The following MAGI2 variants were observed in gnomAD, a reference collection of about 807,000 sequenced individuals.
The protein encoded by MAGI2 is membrane associated guanylate kinase, WW and PDZ domain containing 2, also known as membrane-associated guanylate kinase, WW and PDZ domain-containing protein 2.
Under a neutral mutation model 133.3 loss-of-function variants are expected in MAGI2, and 35 were observed. The observed-to-expected ratio is 0.26, with a 90% CI of 0.20 to 0.35. MAGI2 has a LOEUF of 0.35. Among genes scored for constraint, MAGI2 ranks in the 10% least tolerant of loss-of-function variants. The probability of loss-of-function intolerance (pLI) is 1.00; values close to 1 mark genes in which losing one functional copy is unlikely to be tolerated. For synonymous variants in MAGI2, 729 were observed against 710.6 expected, an observed-to-expected ratio of 1.03 and a Z score of -0.41; for missense variants, 1,636 against 1,863.4, an observed-to-expected ratio of 0.88 and a Z score of 2.25.
intron 2 of MAGI2, among the ~76,000 whole-genome samples, chr7:78,905,840 C>A (rs1380572800): frequency 1.3e-5 from 2 of 152,058 alleles, no homozygotes; most frequent in Non-Finnish European, 2.9e-5. Context: ...CATGATCTAA[C>A]CCCTAACAGT....
At chr7:78,887,717 T>C (rs1796377430) in intron 2 of MAGI2, among the ~76,000 whole-genome samples, 1 of 152,180 alleles carries the variant, frequency 6.6e-6, no homozygotes, top group Non-Finnish European at 1.5e-5. Context: ...AAATGTAGAC[T>C]TACAGAGCAC....
At chr7:78,214,213 G>A (rs929264258) in intron 10 of MAGI2, among the ~76,000 whole-genome samples, 3 of 152,128 alleles carry the variant, frequency 2.0e-5, no homozygotes, top group Admixed American at 6.5e-5. Context: ...CATTTTGAGC[G>A]GCCGTGCCCA....
At chr7:78,662,785 A>C (rs1327681717) in intron 2 of MAGI2, among the ~76,000 whole-genome samples, 1 of 152,210 alleles carries the variant, frequency 6.6e-6, no homozygotes, top group African/African-American at 2.4e-5. Flanking sequence ...GGTTGTGTGT[A>C]TACACATGTG....
At chr7:78,373,567 T>C (rs1195441475) in intron 6 of MAGI2, among the ~76,000 whole-genome samples, 2 of 151,974 alleles carry the variant, frequency 1.3e-5, no homozygotes, top group Admixed American at 6.6e-5. Context: ...GGAGGGCTCC[T>C]ACTCACACTT....
chr7:78,127,567 G>A (rs766284299), intron 18 of MAGI2, 151 bp from the exon 19 acceptor site: 23 of 610,134 alleles, frequency 3.8e-5, no homozygotes, highest in Non-Finnish European at 6.0e-5. Flanking sequence ...TTATGAGAAG[G>A]TTAAATATTA....
At chr7:78,462,291 T>C (rs1790143231) in intron 6 of MAGI2, among the ~76,000 whole-genome samples, 1 of 152,090 alleles carries the variant, frequency 6.6e-6, no homozygotes, top group African/African-American at 2.4e-5. Context: ...ATTAAGTTAA[T>C]GGAAACCAAG....
At chr7:78,359,569 T>C (rs1300003209) in intron 7 of MAGI2, 1 of 152,232 alleles carries the variant, frequency 6.6e-6, no homozygotes, top group Admixed American at 6.5e-5. Context: ...ATTTATATTT[T>C]TTTCCTACAG....
chr7:79,008,210 A>C (rs1343151979), intron 1 of MAGI2, among the ~76,000 whole-genome samples: 1 of 152,148 alleles, frequency 6.6e-6, no homozygotes, highest in Non-Finnish European at 1.5e-5. Context: ...AGAAACAGGA[A>C]ATCTGCAATA....
intron 1 of MAGI2, among the ~76,000 whole-genome samples, chr7:79,064,071 C>G (rs776025996): frequency 3.3e-5 from 5 of 151,994 alleles, no homozygotes; most frequent in Admixed American, 2.6e-4. Context: ...GAAATTATGT[C>G]TTTTGAGCCA....
Position 78,719,722 on chromosome 7 carries a change from A to G in MAGI2, c.419-92483T>C, listed in dbSNP as rs112804508. 9.6e-3 allele frequency among the ~76,000 whole-genome samples: 1,465 copies of G among 152,304 alleles called. 27 individuals carry two copies. The highest frequency in any genetic ancestry group is 0.034 in the African/African-American group (1,396 of 41,562). On this transcript the variant is annotated intron_variant, in intron 2 of 21. Coordinates refer to ENST00000354212, the MANE Select transcript of MAGI2 (RefSeq NM_012301.4). ...TCTCACCAAAGCAGGTGTTTGACATATGAGGGGCCTGGCTGCAGTACTATC... is the reference window on the plus strand; with the variant it reads ...TCTCACCAAAGCAGGTGTTTGACATGTGAGGGGCCTGGCTGCAGTACTATC...
chr7:78,697,709 A>C (rs1337542856), intron 2 of MAGI2, among the ~76,000 whole-genome samples: 2 of 152,178 alleles, frequency 1.3e-5, no homozygotes, highest in Non-Finnish European at 2.9e-5. Context: ...ATTTCCTAAA[A>C]TGCTCTGCCA....
intron 20 of MAGI2, among the ~76,000 whole-genome samples, chr7:78,118,712 T>C (rs1820126040): frequency 6.6e-6 from 1 of 152,222 alleles, no homozygotes; most frequent in Admixed American, 6.5e-5. Context: ...CAAATGCTGA[T>C]GAGGATATGG....
chr7:78,563,704 C>T (rs1800643729), intron 3 of MAGI2, among the ~76,000 whole-genome samples: 1 of 152,182 alleles, frequency 6.6e-6, no homozygotes, highest in South Asian at 2.1e-4. Flanking sequence ...GACAAAATGC[C>T]CATGTGCTTT....
chr7:79,392,516 A>T (rs1013481939), intron 1 of MAGI2, among the ~76,000 whole-genome samples: 16 of 152,174 alleles, frequency 1.1e-4, no homozygotes, highest in African/African-American at 3.9e-4. Flanking sequence ...CCTCGCCAGC[A>T]TCTTTTGTTT....
chr7:79,126,847 C>T (rs1438412264), intron 1 of MAGI2, among the ~76,000 whole-genome samples: 1 of 151,508 alleles, frequency 6.6e-6, no homozygotes, highest in East Asian at 1.9e-4. Context: ...ATGTGCACAA[C>T]GTGAAGGTTT....
chr7:78,869,515 G>A (rs1794853237), intron 2 of MAGI2, among the ~76,000 whole-genome samples: 1 of 152,168 alleles, frequency 6.6e-6, no homozygotes, highest in African/African-American at 2.4e-5. Context: ...CTGCTGTAAA[G>A]AAGTACCTGA....
intron 10 of MAGI2, among the ~76,000 whole-genome samples, chr7:78,234,442 A>G (rs1790294031): frequency 6.6e-6 from 1 of 152,164 alleles, no homozygotes; most frequent in South Asian, 2.1e-4. Flanking sequence ...GAGGCACAAC[A>G]TAATACATTT....
chr7:79,271,743 T>C (rs1834896686), intron 1 of MAGI2, among the ~76,000 whole-genome samples: 1 of 149,898 alleles, frequency 6.7e-6, no homozygotes, highest in Admixed American at 6.7e-5. Context: ...CACCCCTCCA[T>C]CGTTTTTATT....
intron 2 of MAGI2, among the ~76,000 whole-genome samples, chr7:78,662,309 T>G (rs1012853338): frequency 6.6e-6 from 1 of 152,180 alleles, no homozygotes; most frequent in Admixed American, 6.5e-5. Flanking sequence ...CTTTTTCCTT[T>G]AAACTAGTAA....
Sources: allele counts gnomAD v4.1 joint callset (sites outside exome capture counted in the v4.1 genomes callset), GRCh38; gene constraint gnomAD v4.1.1; transcripts MANE v1.5; gene names NCBI Gene and HGNC (gene_info 2026-07-23, HGNC 2026-07-21).